STK32A: variants seen among roughly 807,000 people sequenced by gnomAD.
STK32A encodes the protein serine/threonine-protein kinase 32A.
In STK32A, 41 loss-of-function variants were observed where a neutral mutation model predicts 53.2. That is an observed-to-expected ratio of 0.77 (90% CI 0.60 to 1.00). The LOEUF is 1.00. STK32A is among the 50% of genes least tolerant of loss of function. STK32A has a pLI of 0.00. For missense variants in STK32A, 458 were observed against 485.8 expected, an observed-to-expected ratio of 0.94 and a Z score of 0.54; for synonymous variants, 166 against 162.8, an observed-to-expected ratio of 1.02 and a Z score of -0.15.
At chr5:147,237,607 A>G (rs1270019781) in intron 1 of STK32A, among the ~76,000 whole-genome samples, 3 of 152,098 alleles carry the variant, frequency 2.0e-5, no homozygotes, top group African/African-American at 7.2e-5. Context: ...TCCATCAGCC[A>G]CCTGTGACCA....
chr5:147,309,596 A>C (rs944425124), intron 4 of STK32A, among the ~76,000 whole-genome samples: 1 of 152,314 alleles, frequency 6.6e-6, no homozygotes, highest in South Asian at 2.1e-4. Context: ...AAGTTTGATG[A>C]ATTGAAAAGC....
At chr5:147,296,187 A>C (rs1176277144) in intron 4 of STK32A, among the ~76,000 whole-genome samples, 1 of 152,254 alleles carries the variant, frequency 6.6e-6, no homozygotes, top group Non-Finnish European at 1.5e-5. Context: ...CTCTCAAAAT[A>C]AAAAATTCAA....
intron 2 of STK32A, among the ~76,000 whole-genome samples, chr5:147,248,013 C>A (rs1413718773): frequency 6.7e-6 from 1 of 150,130 alleles, no homozygotes; most frequent in Non-Finnish European, 1.5e-5. Context: ...CCCAGCTACT[C>A]GGGAGGCTGA....
intron 5 of STK32A, among the ~76,000 whole-genome samples, chr5:147,341,917 C>G (rs1755434018): frequency 6.6e-6 from 1 of 152,086 alleles, no homozygotes; most frequent in Admixed American, 6.6e-5. Context: ...CCACCTTCTT[C>G]CAATGAAGGG....
intron 2 of STK32A, among the ~76,000 whole-genome samples, chr5:147,251,737 A>G (rs187700747): frequency 2.0e-5 from 3 of 151,902 alleles, no homozygotes; most frequent in African/African-American, 7.3e-5. Flanking sequence ...ACTCACATGC[A>G]TATGCCTTAG....
intron 10 of STK32A, among the ~76,000 whole-genome samples, chr5:147,373,886 G>T (rs548916757): frequency 6.6e-6 from 1 of 152,156 alleles, no homozygotes; most frequent in Non-Finnish European, 1.5e-5. Context: ...TTAGGCCAAA[G>T]GTCCCAAGTG....
intron 3 of STK32A, 118 bp downstream of exon 3, chr5:147,278,297 A>C: frequency 1.2e-6 from 1 of 863,234 alleles, no homozygotes; most frequent in African/African-American, 1.7e-5. Flanking sequence ...AATTAAGTGA[A>C]AATGTTTTTG....
chr5:147,397,174 C>CTA, the STK32A span, among the ~76,000 whole-genome samples: 79 of 147,940 alleles, frequency 5.3e-4, 1 homozygote, highest in South Asian at 2.3e-3. Context: ...ATCTATAGAC[C>CTA]TATATATATA....
At chr5:147,388,902 T>C (rs752716099), downstream of STK32A, among the ~76,000 whole-genome samples, 2 of 152,166 alleles carry the variant, frequency 1.3e-5, no homozygotes, top group Non-Finnish European at 2.9e-5. Context: ...ACTCAAATCC[T>C]AAACAGAGCT....
chr5:147,295,756 C>T (rs1752837850), intron 4 of STK32A, among the ~76,000 whole-genome samples: 1 of 152,178 alleles, frequency 6.6e-6, no homozygotes. Context: ...TCTCTCCCAC[C>T]TTTAGACTGT....
chr5:147,353,086 C>G lies in STK32A; in HGVS notation c.562+1932C>G, dbSNP rs376722909. On this transcript the variant is annotated intron_variant, in intron 7 of 12. Transcript: ENST00000397936. ...GAGTCACAACTTCCACCACAGACCC[C>G]TAAAGAGAGATTACTCTGCAGGGTA... is the stretch of plus-strand genomic sequence containing the variant. Among the ~76,000 whole-genome samples, 7 of 152,298 alleles carry G rather than the reference C, an allele frequency of 4.6e-5. No individual in the cohort carries two copies. The East Asian group carries it at 7.7e-4, about 17-fold the overall frequency.
intron 7 of STK32A, among the ~76,000 whole-genome samples, chr5:147,353,187 G>C (rs1412311507): frequency 6.6e-6 from 1 of 152,200 alleles, no homozygotes; most frequent in Non-Finnish European, 1.5e-5. Flanking sequence ...TCTAGGAAAA[G>C]ATAGAAGGAC....
intron 4 of STK32A, 63 bp downstream of exon 4, chr5:147,279,461 C>T: frequency 6.9e-7 from 1 of 1,452,456 alleles, no homozygotes; most frequent in Non-Finnish European, 9.3e-7. Flanking sequence ...TAGGGGAGGT[C>T]CCCAAATGCC....
At chr5:147,361,770 G>A (rs1205839227) in intron 8 of STK32A, among the ~76,000 whole-genome samples, 156 bp downstream of exon 8, 2 of 152,170 alleles carry the variant, frequency 1.3e-5, no homozygotes, top group Admixed American at 6.5e-5. Context: ...TTTCTGCATA[G>A]GTTAATTCAT....
rs1466134741 is a variant in STK32A at position 147,238,704 on chromosome 5, CAG to C, written c.-96-832_-96-831del. ...GTGATATAACATACGTATGATATAACAGAGTTATATATATGTGTATTATTTAA... is the reference window on the plus strand; with the variant it reads ...GTGATATAACATACGTATGATATAACAGTTATATATATGTGTATTATTTAA... On this transcript the variant is annotated intron_variant, in intron 1 of 12. Transcript: ENST00000397936. Among the ~76,000 whole-genome samples the C allele has an allele frequency of 5.9e-5, 9 of 151,744 alleles. 1 individual carries two copies. The South Asian group carries it at 1.5e-3, about 25-fold the overall frequency.
At chr5:147,290,593 C>T (rs1406675199) in intron 4 of STK32A, among the ~76,000 whole-genome samples, 1 of 152,114 alleles carries the variant, frequency 6.6e-6, no homozygotes, top group African/African-American at 2.4e-5. Flanking sequence ...TCCTCAGGGC[C>T]TCTATCTCTT....
At chr5:147,330,855 A>G (rs532735469) in intron 5 of STK32A, among the ~76,000 whole-genome samples, 3 of 152,322 alleles carry the variant, frequency 2.0e-5, no homozygotes, top group Non-Finnish European at 2.9e-5. Context: ...ACATTTACCA[A>G]TCAAGGTCCT....
At chr5:147,400,586 C>G in the STK32A span, 1 of 1,430,470 alleles carries the variant, frequency 7.0e-7, no homozygotes, top group Non-Finnish European at 9.5e-7. Flanking sequence ...AGTACGAGAT[C>G]CCATCTGCAC....
At chr5:147,273,067 A>G (rs1755112037) in intron 2 of STK32A, among the ~76,000 whole-genome samples, 1 of 152,246 alleles carries the variant, frequency 6.6e-6, no homozygotes, top group Non-Finnish European at 1.5e-5. Flanking sequence ...CTTACCTTCT[A>G]CAAGGGTCTT....
Sources: allele counts gnomAD v4.1 joint callset (sites outside exome capture counted in the v4.1 genomes callset), GRCh38; gene constraint gnomAD v4.1.1; transcripts MANE v1.5; gene names NCBI Gene and HGNC (gene_info 2026-07-23, HGNC 2026-07-21).